PCDHGA9: variants seen among roughly 807,000 people sequenced by gnomAD.
PCDHGA9 encodes protocadherin gamma subfamily A, 9.
PCDHGA9 carries 37 observed loss-of-function variants against 62.5 expected under a neutral mutation model. The ratio of observed to expected loss-of-function variants is 0.59; its 90% CI spans 0.46 to 0.78. The LOEUF is 0.78. PCDHGA9 is among the 30% of genes least tolerant of loss of function. PCDHGA9 has a pLI of 0.00. For missense variants in PCDHGA9, 1,138 were observed against 1,166.2 expected, an observed-to-expected ratio of 0.98 and a Z score of 0.35; for synonymous variants, 459 against 484.6, an observed-to-expected ratio of 0.95 and a Z score of 0.69.
intron 1 of PCDHGA9, chr5:141,423,368 C>A: frequency 3.1e-6 from 5 of 1,614,200 alleles, no homozygotes; most frequent in Non-Finnish European, 4.2e-6. Context: ...GTGCTGCTGG[C>A]ACTCAGGCTG....
intron 1 of PCDHGA9, among the ~76,000 whole-genome samples, chr5:141,474,747 A>AGACAAATAT (rs1447050692): frequency 6.6e-6 from 1 of 152,264 alleles, no homozygotes; most frequent in African/African-American, 2.4e-5. Context: ...GTGATGTCCA[A>AGACAAATAT]GACAAATATA....
In PCDHGA9 at chr5:141,476,432, G is replaced by T; in HGVS notation, c.2425-18375G>T. 6.2e-7 allele frequency: 1 copy of T among 1,614,116 alleles called. No individual in the cohort carries two copies. The highest frequency in any genetic ancestry group is 8.5e-7 in the Non-Finnish European group (1 of 1,180,028). ...GTGTGGGACACTGCCCTCTTGCACT[G>T]TAACTCTGGAGTTGGTAGTGGAGAA... On this transcript the variant is annotated intron_variant, in intron 1 of 3. Coordinates refer to ENST00000573521, the MANE Select transcript of PCDHGA9 (RefSeq NM_018921.3). The surrounding 1 kb of genome is among the most constrained non-coding windows in gnomAD (Gnocchi z 7.6).
Position 141,486,955 on chromosome 5 carries a change from T to A in PCDHGA9, c.2425-7852T>A, listed in dbSNP as rs1459820579. 1.9e-6 allele frequency: 3 copies of A among 1,614,128 alleles called. No individual in the cohort carries two copies. The highest frequency in any genetic ancestry group is 2.5e-6 in the Non-Finnish European group (3 of 1,180,048). ...CTGGCCACCTAATCACAAAGGTGACTGCTGTGGACTTGGATTCAGGTTACA... is the reference window on the plus strand; with the variant it reads ...CTGGCCACCTAATCACAAAGGTGACAGCTGTGGACTTGGATTCAGGTTACA... On this transcript the variant is annotated intron_variant, in intron 1 of 3. Coordinates refer to ENST00000573521, the MANE Select transcript of PCDHGA9 (RefSeq NM_018921.3). This position sits in a 1 kb window ranked among gnomAD's most constrained non-coding sequence, Gnocchi z 5.0.
rs1420317278 is a variant in PCDHGA9, at chr5:141,403,150, C to G, written c.198C>G (p.Ile66Met). 2 of 1,614,046 alleles carry G rather than the reference C, an allele frequency of 1.2e-6. No homozygotes were observed. Among genetic ancestry groups the G allele is most frequent in the Non-Finnish European group, 1.7e-6 (2 of 1,179,912 alleles). ...PRELAERRVR[I>M]VSRGRTQLFS... ...AGCTGGCGGAGCGCCGAGTCCGCAT[C>G]GTCTCTAGAGGTAGGACGCAGCTTT... is the stretch of plus-strand genomic sequence containing the variant. The change falls in exon 1 of 4, where the codon ATC becomes ATG. Residue 66 changes from isoleucine (I) to methionine (M), a missense_variant. Ile to Met is a conservative substitution (Grantham distance 10). Transcript: ENST00000573521.
chr5:141,502,450 C>T (rs184669731), intron 2 of PCDHGA9, among the ~76,000 whole-genome samples: 3 of 152,010 alleles, frequency 2.0e-5, no homozygotes, highest in Admixed American at 1.3e-4. Context: ...AGATTACACA[C>T]CTTGGTAGGA....
In PCDHGA9 at chr5:141,495,049, T is replaced by G. The variant is rs543734863; in HGVS notation, c.2483+184T>G. ...CCCCGGAAGGAAGAGGCGACTGCCC[T>G]GACTGTTCAGGAAGCTCAATTCACA... On this transcript the variant is annotated intron_variant, in intron 2 of 3. Coordinates refer to ENST00000573521, the MANE Select transcript of PCDHGA9 (RefSeq NM_018921.3). Among the ~76,000 whole-genome samples the G allele has an allele frequency of 5.6e-4, 86 of 152,312 alleles. 1 individual carries two copies. Among genetic ancestry groups the G allele is most frequent in the African/African-American group, 1.6e-3 (65 of 41,578 alleles).
At chr5:141,466,019 G>C (rs1466918487) in intron 1 of PCDHGA9, among the ~76,000 whole-genome samples, 1 of 152,062 alleles carries the variant, frequency 6.6e-6, no homozygotes, top group African/African-American at 2.4e-5. Flanking sequence ...CTACTCGGGA[G>C]GGTGAGGCAG....
At chr5:141,479,023 GT>G (rs1436478867) in intron 1 of PCDHGA9, among the ~76,000 whole-genome samples, 1 of 152,056 alleles carries the variant, frequency 6.6e-6, no homozygotes, top group Non-Finnish European at 1.5e-5. Context: ...ATTTTCCTTT[GT>G]TTATACAGAT....
Position 141,486,656 on chromosome 5 carries a change from C to A in PCDHGA9, c.2425-8151C>A. 6.2e-7 allele frequency: 1 copy of A among 1,614,020 alleles called. No homozygotes were observed. Among genetic ancestry groups the A allele is most frequent in the Non-Finnish European group, 8.5e-7 (1 of 1,180,038 alleles). On this transcript the variant is annotated intron_variant, in intron 1 of 3. Transcript: ENST00000573521. This position sits in a 1 kb window ranked among gnomAD's most constrained non-coding sequence, Gnocchi z 5.0. ...GAATGCGCTTATCTCCTACTCACTCCTGGAGCCCAGGAATCGAGATGTATC... is the reference window on the plus strand; with the variant it reads ...GAATGCGCTTATCTCCTACTCACTCATGGAGCCCAGGAATCGAGATGTATC...
At position 141,476,676 on chromosome 5, in the gene PCDHGA9, G is replaced by A. The variant is rs753538822; in HGVS notation, c.2425-18131G>A. The A allele has an allele frequency of 6.2e-7, 1 of 1,614,222 alleles. No individual in the cohort carries two copies. The highest frequency in any genetic ancestry group is 8.5e-7 in the Non-Finnish European group (1 of 1,180,054). On this transcript the variant is annotated intron_variant, in intron 1 of 3. Transcript: ENST00000573521. The surrounding 1 kb of genome is among the most constrained non-coding windows in gnomAD (Gnocchi z 7.6). ...TACTTTGCGCTTCGCGTGCAGACGC[G>A]GGAGGACAGCACCAAGTACGCGGAG...
intron 1 of PCDHGA9, among the ~76,000 whole-genome samples, chr5:141,474,432 C>T (rs1050895539): frequency 6.6e-6 from 1 of 152,214 alleles, no homozygotes; most frequent in Non-Finnish European, 1.5e-5. Context: ...GGTCCTCACA[C>T]TTTGAGTAGC....
intron 2 of PCDHGA9, among the ~76,000 whole-genome samples, chr5:141,501,290 T>TACACATACAC (rs1224133816): frequency 4.6e-4 from 62 of 136,246 alleles, no homozygotes; most frequent in Admixed American, 7.0e-4. Flanking sequence ...TATTCCCTTA[T>TACACATACAC]ACACACACAC....
chr5:141,491,580 G>A lies in PCDHGA9; in HGVS notation c.2425-3227G>A. 6.2e-7 allele frequency: 1 copy of A among 1,613,942 alleles called. No individual in the cohort carries two copies. Among genetic ancestry groups the A allele is most frequent in the Non-Finnish European group, 8.5e-7 (1 of 1,180,044 alleles). ...ACTGCTACAGGACGTGCTTTTCACC[G>A]GCCTCGGACGGCAGTGACTTCACTT... is the stretch of plus-strand genomic sequence containing the variant. On this transcript the variant is annotated intron_variant, in intron 1 of 3. Coordinates refer to ENST00000573521, the MANE Select transcript of PCDHGA9 (RefSeq NM_018921.3). The surrounding 1 kb of genome is among the most constrained non-coding windows in gnomAD (Gnocchi z 6.9).
Position 141,405,224 on chromosome 5 carries a change from T to C in PCDHGA9, c.2272T>C (p.Ser758Pro), listed in dbSNP as rs542102197. The part of the protein sequence containing the change: ...AFLQTYSQEF[S>P]LTADSRKSHL... Reference sequence around the variant, plus strand: ...CCTACAGACCTATTCTCAGGAGTTCTCCCTCACCGCTGACTCAAGGAAGAG... The same window carrying C: ...CCTACAGACCTATTCTCAGGAGTTCCCCCTCACCGCTGACTCAAGGAAGAG... Residue 758 changes from serine (S) to proline (P), a missense_variant, in exon 1 of 4, where the codon TCC becomes CCC. Coordinates refer to ENST00000573521, the MANE Select transcript of PCDHGA9 (RefSeq NM_018921.3). The C allele has an allele frequency of 2.6e-5, 42 of 1,614,036 alleles. No homozygotes were observed. The African/African-American group carries it at 4.7e-4, about 18-fold the overall frequency.
Position 141,403,789 on chromosome 5 carries a change from C to G in PCDHGA9, c.837C>G (p.Tyr279Ter), listed in dbSNP as rs1230029917. 6.2e-7 allele frequency: 1 copy of G among 1,613,864 alleles called. No homozygotes were observed. ...AGGGAATCAACGGAAAAGTGGCATA[C>G]AAATTCTGGAAAATTAATGAAAAAC... ...LDEGINGKVA[Y>*]KFWKINEKQS... Residue 279 changes from tyrosine to a stop codon, truncating the protein, a stop_gained, in exon 1 of 4, where the codon TAC becomes TAG. Coordinates refer to ENST00000573521, the MANE Select transcript of PCDHGA9 (RefSeq NM_018921.3). LOFTEE classifies it high-confidence loss of function.
chr5:141,445,303 G>A (rs145466142), intron 1 of PCDHGA9, among the ~76,000 whole-genome samples: 327 of 152,332 alleles, frequency 2.1e-3, no homozygotes, highest in African/African-American at 7.6e-3. Context: ...ATTCTCTTCA[G>A]TTTGTAGGTT....
intron 1 of PCDHGA9, chr5:141,419,658 A>C: frequency 1.9e-6 from 3 of 1,612,782 alleles, no homozygotes; most frequent in Non-Finnish European, 2.5e-6. Context: ...GACTCGGGGC[A>C]CAATGCCTGG....
At chr5:141,410,085 C>T (rs533911183) in intron 1 of PCDHGA9, 29 of 1,612,476 alleles carry the variant, frequency 1.8e-5, no homozygotes, top group South Asian at 1.1e-5. Flanking sequence ...GAGGTGCGCA[C>T]GGCTCGAGCC....
intron 1 of PCDHGA9, chr5:141,413,173 A>G: frequency 6.2e-7 from 1 of 1,600,856 alleles, no homozygotes; most frequent in African/African-American, 1.3e-5. Context: ...TAACCAGACT[A>G]CAATGGCCGC....
Sources: allele counts gnomAD v4.1 joint callset (sites outside exome capture counted in the v4.1 genomes callset), GRCh38; gene constraint gnomAD v4.1.1; non-coding constraint Gnocchi (gnomAD v3.1); transcripts MANE v1.5; gene names NCBI Gene and HGNC (gene_info 2026-07-23, HGNC 2026-07-21).